The following PPP1R13B variants were observed in gnomAD, a reference collection of about 807,000 sequenced individuals.
The protein encoded by PPP1R13B is protein phosphatase 1 regulatory subunit 13B.
Under a neutral mutation model 119.8 loss-of-function variants are expected in PPP1R13B, and 44 were observed. That is an observed-to-expected ratio of 0.37 (90% CI 0.29 to 0.47). The LOEUF is 0.47. Among genes scored for constraint, PPP1R13B ranks in the 20% least tolerant of loss-of-function variants. The probability of loss-of-function intolerance (pLI) is 0.99; values close to 1 mark genes in which losing one functional copy is unlikely to be tolerated. For missense variants in PPP1R13B, 1,227 were observed against 1,413.5 expected (o/e 0.87, Z 2.12); for synonymous variants, 542 against 561.5 (o/e 0.97, Z 0.49).
At chr14:103,770,841 A>G (rs1324244799) in intron 4 of PPP1R13B, among the ~76,000 whole-genome samples, 1 of 152,276 alleles carries the variant, frequency 6.6e-6, no homozygotes, top group African/African-American at 2.4e-5. Flanking sequence ...ACCAAAAATA[A>G]AGAGAAACCA....
At chr14:103,807,370 T>C (rs2086041119) in intron 1 of PPP1R13B, among the ~76,000 whole-genome samples, 1 of 152,230 alleles carries the variant, frequency 6.6e-6, no homozygotes, top group African/African-American at 2.4e-5. Context: ...ATCCTCTGTC[T>C]GTTGTCACTA....
At chr14:103,817,495 A>G in intron 1 of PPP1R13B, among the ~76,000 whole-genome samples, 1 of 152,208 alleles carries the variant, frequency 6.6e-6, no homozygotes, top group Non-Finnish European at 1.5e-5. Context: ...ATGTTTTCAC[A>G]ATAAATGCCT....
At chr14:103,783,433 G>A (rs2085381848) in intron 3 of PPP1R13B, among the ~76,000 whole-genome samples, 1 of 151,340 alleles carries the variant, frequency 6.6e-6, no homozygotes, top group Non-Finnish European at 1.5e-5. Flanking sequence ...CTAATTTTTA[G>A]CAGAGATGGG....
chr14:103,804,050 C>T (rs2085962819), intron 1 of PPP1R13B: 5 of 984,808 alleles, frequency 5.1e-6, no homozygotes, highest in South Asian at 4.7e-5. Flanking sequence ...GACTCATTAC[C>T]TGGTCTTGAA....
At chr14:103,763,302 G>C (rs1403898366) in intron 4 of PPP1R13B, 3 of 347,496 alleles carry the variant, frequency 8.6e-6, no homozygotes, top group South Asian at 8.1e-5. Flanking sequence ...CATTTAGAAA[G>C]GGGGGTCTGT....
intron 4 of PPP1R13B, among the ~76,000 whole-genome samples, chr14:103,768,058 G>T (rs903447937): frequency 6.6e-6 from 1 of 151,222 alleles, no homozygotes; most frequent in Non-Finnish European, 1.5e-5. Context: ...AAGTTGCATA[G>T]AATTGTTTTA....
intron 1 of PPP1R13B, among the ~76,000 whole-genome samples, chr14:103,822,500 T>C (rs947436566): frequency 3.9e-5 from 6 of 152,056 alleles, no homozygotes; most frequent in Admixed American, 2.0e-4. Flanking sequence ...ACAGAATACA[T>C]TTCTTTGTTC....
intron 4 of PPP1R13B, chr14:103,759,105 CCCA>C (rs1355625542): frequency 6.6e-6 from 1 of 152,054 alleles, no homozygotes; most frequent in Non-Finnish European, 1.5e-5. Flanking sequence ...ACTACAGGTG[CCCA>C]CCACCACACC....
At chr14:103,764,872 T>C (rs1337911976) in intron 4 of PPP1R13B, among the ~76,000 whole-genome samples, 1 of 152,210 alleles carries the variant, frequency 6.6e-6, no homozygotes, top group Non-Finnish European at 1.5e-5. Flanking sequence ...CAGGCTGGAC[T>C]GCAGTGGCGG....
chr14:103,772,073 G>T (rs544965297), intron 4 of PPP1R13B, among the ~76,000 whole-genome samples: 6 of 152,128 alleles, frequency 3.9e-5, no homozygotes, highest in Non-Finnish European at 8.8e-5. Flanking sequence ...AATTGTATAT[G>T]AATGAAACCA....
At chr14:103,782,392 T>C (rs2085358043) in intron 3 of PPP1R13B, among the ~76,000 whole-genome samples, 1 of 152,232 alleles carries the variant, frequency 6.6e-6, no homozygotes. Context: ...TCAGCTCTCC[T>C]GGTGGGCATT....
At chr14:103,835,898 G>A (rs2086766675) in intron 1 of PPP1R13B, among the ~76,000 whole-genome samples, 1 of 151,302 alleles carries the variant, frequency 6.6e-6, no homozygotes, top group South Asian at 2.1e-4. Flanking sequence ...GTGAGCCACT[G>A]TGCCTGGCCT....
At chr14:103,741,675 T>G (rs1437918050) in intron 11 of PPP1R13B, 115 bp downstream of exon 11, 3 of 1,315,898 alleles carry the variant, frequency 2.3e-6, no homozygotes, top group African/African-American at 1.5e-5. Context: ...TATGTAAGAA[T>G]TAAGTTTAAT....
intron 2 of PPP1R13B, among the ~76,000 whole-genome samples, chr14:103,794,107 A>G (rs1335211555): frequency 1.3e-5 from 2 of 152,174 alleles, no homozygotes; most frequent in East Asian, 3.9e-4. Flanking sequence ...TGACACCTTC[A>G]TCTCAGACTT....
At chr14:103,847,846 C>G (rs10083367), upstream of PPP1R13B, 88,420 of 159,948 alleles carry the variant, frequency 0.55, 24,929 homozygotes, top group South Asian at 0.68. Context: ...GGGAAGACCG[C>G]GGACGGTGGG....
chr14:103,809,004 A>G (rs531255302), intron 1 of PPP1R13B, among the ~76,000 whole-genome samples: 69 of 152,182 alleles, frequency 4.5e-4, no homozygotes, highest in Non-Finnish European at 8.4e-4. Context: ...CAAGTAGCTG[A>G]GACTGTAAAA....
intron 1 of PPP1R13B, among the ~76,000 whole-genome samples, chr14:103,837,140 C>T (rs1406034239): frequency 2.6e-5 from 4 of 152,162 alleles, no homozygotes; most frequent in African/African-American, 9.7e-5. Context: ...GAGTCCAGTC[C>T]CTGCCCTGAG....
At chr14:103,828,210 T>TA (rs1337820974) in intron 1 of PPP1R13B, among the ~76,000 whole-genome samples, 1 of 151,232 alleles carries the variant, frequency 6.6e-6, no homozygotes, top group Non-Finnish European at 1.5e-5. Flanking sequence ...CTACTAAAAA[T>TA]ACAAAAAAAT....
chr14:103,790,021 A>T (rs1466966873), intron 2 of PPP1R13B, among the ~76,000 whole-genome samples: 2 of 150,916 alleles, frequency 1.3e-5, no homozygotes, highest in Non-Finnish European at 3.0e-5. Context: ...CGAGGCAGGC[A>T]TATCACTTGA....
Sources: allele counts gnomAD v4.1 joint callset (sites outside exome capture counted in the v4.1 genomes callset), GRCh38; gene constraint gnomAD v4.1.1; transcripts MANE v1.5; gene names NCBI Gene and HGNC (gene_info 2026-07-23, HGNC 2026-07-21).